The following AFG2A variants were observed in gnomAD, a reference collection of about 807,000 sequenced individuals.
AFG2A encodes the protein ATPase family gene 2 protein homolog A.
At chr4:123,014,018 C>G in the AFG2A span, among the ~76,000 whole-genome samples, 1 of 152,146 alleles carries the variant, frequency 6.6e-6, no homozygotes, top group Non-Finnish European at 1.5e-5. Flanking sequence ...ATGTAGTATT[C>G]CATATGATTG....
At chr4:123,054,429 T>A in the AFG2A span, among the ~76,000 whole-genome samples, 1 of 144,762 alleles carries the variant, frequency 6.9e-6, no homozygotes, top group Admixed American at 6.9e-5. Flanking sequence ...TTTTTTTTTT[T>A]ATGAATTAAG....
chr4:122,979,504 A>G, the AFG2A span: 88 of 1,205,522 alleles, frequency 7.3e-5, no homozygotes, highest in Middle Eastern at 2.6e-4. Context: ...TTCTTAATTG[A>G]AAGTTTTATT....
chr4:123,104,642 A>G, the AFG2A span, among the ~76,000 whole-genome samples: 3 of 152,242 alleles, frequency 2.0e-5, no homozygotes, highest in Admixed American at 6.5e-5. Flanking sequence ...TAAAAGTGCT[A>G]CTTCAGTGAA....
At chr4:123,189,934 T>C in the AFG2A span, among the ~76,000 whole-genome samples, 1 of 144,096 alleles carries the variant, frequency 6.9e-6, no homozygotes, top group Non-Finnish European at 1.5e-5. Flanking sequence ...GCTTCCCAAG[T>C]AGCTGGAACC....
the AFG2A span, among the ~76,000 whole-genome samples, chr4:123,106,390 G>A: frequency 0.012 from 1,874 of 152,102 alleles, 39 homozygotes; most frequent in African/African-American, 0.043. Context: ...CTTTATTGTA[G>A]TGGTCTGGAA....
chr4:123,175,020 A>G, the AFG2A span, among the ~76,000 whole-genome samples: 1,551 of 151,912 alleles, frequency 0.01, 29 homozygotes, highest in African/African-American at 0.036. Flanking sequence ...ATGGGGTTTC[A>G]CCATTTTGCC....
chr4:123,311,558 C>T, the AFG2A span, among the ~76,000 whole-genome samples: 2 of 138,108 alleles, frequency 1.4e-5, no homozygotes, highest in African/African-American at 5.6e-5. Flanking sequence ...ACCCAGGAGG[C>T]GGAGGTTGCA....
chr4:123,230,512 C>T, the AFG2A span, among the ~76,000 whole-genome samples: 1 of 151,898 alleles, frequency 6.6e-6, no homozygotes, highest in Non-Finnish European at 1.5e-5. Context: ...CCACTGAAGT[C>T]TTAAACCCCT....
the AFG2A span, among the ~76,000 whole-genome samples, chr4:123,016,817 T>C: frequency 3.3e-5 from 5 of 152,244 alleles, no homozygotes; most frequent in African/African-American, 1.2e-4. Context: ...GCCACTGCAC[T>C]CCAGCCTGGG....
the AFG2A span, chr4:123,090,642 G>A: frequency 6.2e-7 from 1 of 1,614,046 alleles, no homozygotes; most frequent in East Asian, 2.2e-5. Context: ...AAATGGATGG[G>A]ATTGAACAGC....
the AFG2A span, among the ~76,000 whole-genome samples, chr4:123,013,061 G>A: frequency 6.6e-6 from 1 of 152,150 alleles, no homozygotes; most frequent in South Asian, 2.1e-4. Context: ...TCAGCAAAGG[G>A]AGATAGGGGT....
At chr4:123,028,213 G>T in the AFG2A span, 1 of 1,614,066 alleles carries the variant, frequency 6.2e-7, no homozygotes, top group African/African-American at 1.3e-5. Flanking sequence ...AGGAGGACTG[G>T]AAAGTATCAA....
At chr4:123,295,416 C>G in the AFG2A span, among the ~76,000 whole-genome samples, 5 of 152,190 alleles carry the variant, frequency 3.3e-5, no homozygotes, top group African/African-American at 1.2e-4. Flanking sequence ...ATAAATAAAT[C>G]TTAAGACGAA....
At chr4:123,276,060 A>G in the AFG2A span, among the ~76,000 whole-genome samples, 1 of 152,200 alleles carries the variant, frequency 6.6e-6, no homozygotes, top group African/African-American at 2.4e-5. Context: ...AGGAATTTCC[A>G]TACTGCTTTC....
At chr4:122,994,927 A>G in the AFG2A span, among the ~76,000 whole-genome samples, 1 of 152,142 alleles carries the variant, frequency 6.6e-6, no homozygotes, top group Non-Finnish European at 1.5e-5. Context: ...CTAATTATAT[A>G]TTTAAAATTT....
chr4:123,180,668 C>T, the AFG2A span, among the ~76,000 whole-genome samples: 1 of 152,090 alleles, frequency 6.6e-6, no homozygotes, highest in Non-Finnish European at 1.5e-5. Flanking sequence ...AAAAGATGAA[C>T]TAAAGCTACC....
chr4:123,045,033 A>G, the AFG2A span, among the ~76,000 whole-genome samples: 1 of 151,930 alleles, frequency 6.6e-6, no homozygotes, highest in Non-Finnish European at 1.5e-5. Flanking sequence ...CAATAACTGC[A>G]TAGTGTTTTC....
At chr4:123,182,931 A>T in the AFG2A span, among the ~76,000 whole-genome samples, 4 of 152,332 alleles carry the variant, frequency 2.6e-5, no homozygotes, top group East Asian at 5.8e-4. Context: ...GTTTTGCGTT[A>T]TACACAGTTT....
At chr4:123,206,572 C>T in the AFG2A span, among the ~76,000 whole-genome samples, 1 of 152,212 alleles carries the variant, frequency 6.6e-6, no homozygotes, top group South Asian at 2.1e-4. Context: ...AGTTCTACTG[C>T]AGTAGCTAAT....
Sources: allele counts gnomAD v4.1 joint callset (sites outside exome capture counted in the v4.1 genomes callset), GRCh38; gene constraint gnomAD v4.1.1; transcripts MANE v1.5; gene names NCBI Gene and HGNC (gene_info 2026-07-23, HGNC 2026-07-21).